The following DCDC2 variants were observed in gnomAD, a reference collection of about 807,000 sequenced individuals.
The protein encoded by DCDC2 is doublecortin domain-containing protein 2.
In DCDC2, 40 loss-of-function variants were observed where a neutral mutation model predicts 50.2. That is an observed-to-expected ratio of 0.80 (90% confidence interval 0.62 to 1.04). The LOEUF is 1.04. Among genes scored for constraint, DCDC2 ranks in the 50% least tolerant of loss-of-function variants. The pLI is 0.00. For missense variants in DCDC2, 570 were observed against 581.9 expected, an observed-to-expected ratio of 0.98 and a Z score of 0.21; for synonymous variants, 234 against 210.6, an observed-to-expected ratio of 1.11 and a Z score of -0.96.
At chr6:24,234,453 A>G (rs527950632) in intron 7 of DCDC2, among the ~76,000 whole-genome samples, 1 of 152,266 alleles carries the variant, frequency 6.6e-6, no homozygotes, top group Middle Eastern at 3.4e-3. Flanking sequence ...TTGGACAGAT[A>G]ACGTTGGGAA....
At chr6:24,373,884 T>A in the DCDC2 span, among the ~76,000 whole-genome samples, 1 of 151,470 alleles carries the variant, frequency 6.6e-6, no homozygotes, top group African/African-American at 2.4e-5. Context: ...GAGGAAGGAC[T>A]GGGCGCGGTG....
At chr6:24,210,307 A>G (rs574282902) in intron 7 of DCDC2, among the ~76,000 whole-genome samples, 1 of 152,178 alleles carries the variant, frequency 6.6e-6, no homozygotes, top group South Asian at 2.1e-4. Flanking sequence ...ATAGATCCCA[A>G]AACATATATA....
At chr6:24,288,820 G>C in intron 6 of DCDC2, 32 bp downstream of exon 6, 1 of 1,576,956 alleles carries the variant, frequency 6.3e-7, no homozygotes, top group Non-Finnish European at 8.7e-7. Context: ...TAAAAATATA[G>C]AACATCAACG....
intron 7 of DCDC2, among the ~76,000 whole-genome samples, chr6:24,214,530 A>G (rs1023707932): frequency 2.0e-5 from 3 of 152,242 alleles, no homozygotes; most frequent in African/African-American, 4.8e-5. Flanking sequence ...TACAATTTCT[A>G]AAGTCTATAT....
intron 7 of DCDC2, among the ~76,000 whole-genome samples, chr6:24,265,163 T>C (rs972923675): frequency 3.3e-5 from 5 of 151,724 alleles, no homozygotes; most frequent in African/African-American, 1.2e-4. Context: ...AAGAAAACTA[T>C]AAAGGGAGAC....
the DCDC2 span, among the ~76,000 whole-genome samples, chr6:24,381,107 A>G: frequency 1.3e-5 from 2 of 152,090 alleles, no homozygotes; most frequent in African/African-American, 4.8e-5. Context: ...AAGAATTAGA[A>G]AAACACGTTA....
At chr6:24,210,677 C>T (rs930197221) in intron 7 of DCDC2, among the ~76,000 whole-genome samples, 1 of 152,222 alleles carries the variant, frequency 6.6e-6, no homozygotes, top group Non-Finnish European at 1.5e-5. Context: ...TCCACTCTTG[C>T]TAGCTCATAA....
At chr6:24,243,386 C>A (rs1762604326) in intron 7 of DCDC2, among the ~76,000 whole-genome samples, 1 of 152,176 alleles carries the variant, frequency 6.6e-6, no homozygotes, top group African/African-American at 2.4e-5. Context: ...GGCTCTGCCA[C>A]CTGCTAGCCA....
chr6:24,301,168 G>C (rs556226216), intron 4 of DCDC2, among the ~76,000 whole-genome samples: 1 of 151,564 alleles, frequency 6.6e-6, no homozygotes, highest in Non-Finnish European at 1.5e-5. Flanking sequence ...TCAGGAGATC[G>C]AGCCCATCCT....
intron 9 of DCDC2, among the ~76,000 whole-genome samples, chr6:24,178,041 C>T (rs1760964710): frequency 6.6e-6 from 1 of 152,110 alleles, no homozygotes; most frequent in Non-Finnish European, 1.5e-5. Flanking sequence ...TCTTAGAAGG[C>T]TCTGTACATT....
chr6:24,304,735 C>T (rs1277980562), intron 2 of DCDC2, among the ~76,000 whole-genome samples: 1 of 152,094 alleles, frequency 6.6e-6, no homozygotes, highest in Admixed American at 6.6e-5. Context: ...TTCTTCAGCA[C>T]CTTGCTTTTT....
chr6:24,371,602 T>A, the DCDC2 span, among the ~76,000 whole-genome samples: 4 of 151,848 alleles, frequency 2.6e-5, no homozygotes, highest in Non-Finnish European at 4.4e-5. Context: ...TGAGACCTCA[T>A]CTGAAAAAAA....
chr6:24,260,916 GA>G, intron 7 of DCDC2, among the ~76,000 whole-genome samples: 1 of 152,146 alleles, frequency 6.6e-6, no homozygotes, highest in East Asian at 1.9e-4. Context: ...ATATTGGATT[GA>G]ATTATTGAGA....
At chr6:24,205,888 G>T (rs984106857) in intron 7 of DCDC2, among the ~76,000 whole-genome samples, 5 of 152,146 alleles carry the variant, frequency 3.3e-5, no homozygotes, top group African/African-American at 2.4e-5. Context: ...GACAGGTTTA[G>T]TGCTTTGGCC....
At chr6:24,204,718 CTT>C (rs954366874) in intron 8 of DCDC2, among the ~76,000 whole-genome samples, 4 of 152,146 alleles carry the variant, frequency 2.6e-5, no homozygotes, top group Non-Finnish European at 5.9e-5. Context: ...AACTTTATCA[CTT>C]TATCTCATAC....
rs112977875 is a variant in DCDC2, at chr6:24,339,252, G to A, written c.348+14317C>T. Reference sequence around the variant, plus strand: ...TCATTTCTTCCAGGAAGCTTCTGAGGATTCCCCTGGCTTATGGTAGCCATC... The same window carrying A: ...TCATTTCTTCCAGGAAGCTTCTGAGAATTCCCCTGGCTTATGGTAGCCATC... On this transcript the variant is annotated intron_variant, in intron 2 of 9. Coordinates refer to ENST00000378454, the MANE Select transcript of DCDC2 (RefSeq NM_016356.5). Among the ~76,000 whole-genome samples, 426 of 152,066 alleles carry A rather than the reference G, an allele frequency of 2.8e-3. 1 individual carries two copies. The highest frequency in any genetic ancestry group is 9.6e-3 in the African/African-American group (397 of 41,488).
At chr6:24,310,799 C>T (rs968915493) in intron 2 of DCDC2, among the ~76,000 whole-genome samples, 6 of 152,152 alleles carry the variant, frequency 3.9e-5, no homozygotes, top group African/African-American at 1.4e-4. Context: ...ATTCAGTTTT[C>T]ATAAATCACC....
chr6:24,303,046 G>C (rs807695), intron 2 of DCDC2, among the ~76,000 whole-genome samples: 150,886 of 151,952 alleles, frequency 0.99, 74,920 homozygotes, highest in Middle Eastern at 1. Flanking sequence ...TATGCCTTTA[G>C]GAAGCTAACC....
chr6:24,270,376 A>G (rs1447686624), intron 7 of DCDC2, among the ~76,000 whole-genome samples: 2 of 152,216 alleles, frequency 1.3e-5, no homozygotes, highest in East Asian at 1.9e-4. Context: ...GTTCTAAAGC[A>G]TGGGTATCAG....
Sources: gnomAD v4.1 joint callset for allele counts (sites outside exome capture counted in the v4.1 genomes callset) on GRCh38, gnomAD v4.1.1 for gene constraint, MANE v1.5 for transcripts, NCBI Gene and HGNC (gene_info 2026-07-23, HGNC 2026-07-21) for gene names.